NOVA1: variants seen among roughly 807,000 people sequenced by gnomAD.
NOVA1 encodes the protein NOVA alternative splicing regulator 1.
A neutral mutation model predicts 38.0 loss-of-function variants in NOVA1; 7 were observed. The observed-to-expected ratio is 0.18, with a 90% CI of 0.10 to 0.35. NOVA1 has a LOEUF of 0.35. Ranked by LOEUF, NOVA1 falls within the 10% of genes least tolerant of loss-of-function variation. The pLI is 1.00. For missense variants in NOVA1, 460 were observed against 616.0 expected (o/e 0.75, Z 2.68); for synonymous variants, 270 against 232.5 (o/e 1.16, Z -1.47).
rs557669939 is a variant in NOVA1 at position 26,527,542 on chromosome 14, A to G, written c.281-47399T>C. ...AAAAAAAAACCTTAGTGATTCTCTA[A>G]CACGTAAGGTCAAGGATATGTGTGC... On this transcript the variant is annotated intron_variant, in intron 2 of 4. Transcript: ENST00000539517. Among the ~76,000 whole-genome samples, 28 of 152,312 alleles carry G rather than the reference A, an allele frequency of 1.8e-4. 2 individuals carry two copies. The highest frequency in any genetic ancestry group is 6.5e-4 in the African/African-American group (27 of 41,582).
At chr14:26,525,300 A>G (rs1889219720) in intron 2 of NOVA1, among the ~76,000 whole-genome samples, 1 of 152,170 alleles carries the variant, frequency 6.6e-6, no homozygotes. Context: ...AAGAGCTTTT[A>G]TCTATAATCA....
intron 2 of NOVA1, among the ~76,000 whole-genome samples, chr14:26,580,939 T>C (rs1217028686): frequency 6.6e-6 from 1 of 151,980 alleles, no homozygotes; most frequent in Non-Finnish European, 1.5e-5. Context: ...GAAACAAGCA[T>C]AGAAAGGAGG....
At chr14:26,470,575 ATT>A in intron 4 of NOVA1, 1 of 992,230 alleles carries the variant, frequency 1.0e-6, no homozygotes, top group South Asian at 1.5e-5. Context: ...CAAATGACTT[ATT>A]ATTTCAAAAT....
chr14:26,496,209 T>A (rs888332103), intron 2 of NOVA1, among the ~76,000 whole-genome samples: 2 of 152,056 alleles, frequency 1.3e-5, no homozygotes, highest in African/African-American at 2.4e-5. Flanking sequence ...TGAGATGATA[T>A]CTCATTGTGG....
intron 2 of NOVA1, among the ~76,000 whole-genome samples, chr14:26,585,954 T>G (rs1893489658): frequency 6.6e-6 from 1 of 151,416 alleles, no homozygotes; most frequent in African/African-American, 2.4e-5. Flanking sequence ...TCCACTGTAT[T>G]GGTATTCCAT....
rs1000701010 is a variant in NOVA1 at position 26,446,741 on chromosome 14, T to G, written c.*1218A>C. The stretch of plus-strand genomic sequence containing the variant: ...GGGTCTTGGGAACAAAGGCTTACTC[T>G]GAAATGACCTGTCAAAAAGCCTGAC... On this transcript the variant is annotated 3_prime_UTR_variant, in exon 5 of 5. Transcript: ENST00000539517. 3 of 152,646 alleles carry G rather than the reference T, an allele frequency of 2.0e-5. No individual in the cohort carries two copies. The highest frequency in any genetic ancestry group is 7.2e-5 in the African/African-American group (3 of 41,444). 9.5% of individuals were successfully genotyped at this position (152,646 alleles called of 1,614,324 possible). A position where few individuals can be genotyped will look rare whatever the true frequency, so the allele number is the denominator to read the frequency against.
chr14:26,449,779 G>C (rs1882478625), intron 4 of NOVA1, among the ~76,000 whole-genome samples: 1 of 151,834 alleles, frequency 6.6e-6, no homozygotes, highest in Non-Finnish European at 1.5e-5. Context: ...CTTACCAAAT[G>C]GTACTACCAT....
chr14:26,522,611 C>T (rs1201188989), intron 2 of NOVA1, among the ~76,000 whole-genome samples: 1 of 151,956 alleles, frequency 6.6e-6, no homozygotes, highest in African/African-American at 2.4e-5. Context: ...AAAAAAAAAT[C>T]CATCTTGGTC....
rs187155211 is a variant in NOVA1, at chr14:26,462,939, A to T, written c.519+9381T>A. Reference sequence around the variant, plus strand: ...ACAAAGTAGAGATATAAGAAGGGAAATGTAGTGATTTTCATATTCCTTGTC... The same window carrying T: ...ACAAAGTAGAGATATAAGAAGGGAATTGTAGTGATTTTCATATTCCTTGTC... On this transcript the variant is annotated intron_variant, in intron 4 of 4. Coordinates refer to ENST00000539517, the MANE Select transcript of NOVA1 (RefSeq NM_002515.3). Among the ~76,000 whole-genome samples, 16 of 152,324 alleles carry T rather than the reference A, an allele frequency of 1.1e-4. No homozygotes were observed. In the East Asian group the frequency reaches 3.1e-3, roughly 29 times the overall value.
intron 2 of NOVA1, among the ~76,000 whole-genome samples, chr14:26,490,857 T>G (rs1886280179): frequency 1.4e-5 from 2 of 145,208 alleles, no homozygotes; most frequent in South Asian, 2.3e-4. Flanking sequence ...TTTTTTTTTT[T>G]TTTTTTTTTT....
rs2138295725 is a variant in NOVA1, at chr14:26,480,208, G to A, written c.281-65C>T. The A allele has an allele frequency of 2.8e-6, 4 of 1,440,634 alleles. No homozygotes were observed. In the South Asian group the frequency reaches 4.0e-5, roughly 14 times the overall value. 89.2% of individuals were successfully genotyped at this position (1,440,634 alleles called of 1,614,324 possible). ...TTTGCATTAAAAAAATTATGAAAAAGGATGATATCATAACGCCAAAAAAAT... is the reference window on the plus strand; with the variant it reads ...TTTGCATTAAAAAAATTATGAAAAAAGATGATATCATAACGCCAAAAAAAT... On this transcript the variant is annotated intron_variant, in intron 2 of 4. Transcript: ENST00000539517.
chr14:26,566,707 C>T (rs1892154782), intron 2 of NOVA1, among the ~76,000 whole-genome samples: 1 of 152,070 alleles, frequency 6.6e-6, no homozygotes. Flanking sequence ...ACAGAACCCA[C>T]CATAATCTTC....
At chr14:26,509,896 T>C (rs1192389571) in intron 2 of NOVA1, among the ~76,000 whole-genome samples, 1 of 152,134 alleles carries the variant, frequency 6.6e-6, no homozygotes, top group Non-Finnish European at 1.5e-5. Context: ...GTTAGGTTGG[T>C]CTCAAACTCC....
chr14:26,500,363 G>T (rs566718170), intron 2 of NOVA1, among the ~76,000 whole-genome samples: 5 of 152,154 alleles, frequency 3.3e-5, no homozygotes, highest in Non-Finnish European at 4.4e-5. Context: ...TTACTGCTCG[G>T]CTTACTGAGT....
chr14:26,497,525 A>C (rs1180056513), intron 2 of NOVA1, among the ~76,000 whole-genome samples: 3 of 152,194 alleles, frequency 2.0e-5, no homozygotes, highest in African/African-American at 7.2e-5. Context: ...AAGGATTATC[A>C]CATAATGCTC....
chr14:26,595,897 C>A (rs1894155410), intron 1 of NOVA1: 2 of 384,166 alleles, frequency 5.2e-6, no homozygotes, highest in Non-Finnish European at 9.9e-6. Context: ...AATGAACTGA[C>A]CCTTTAACAA....
intron 2 of NOVA1, among the ~76,000 whole-genome samples, chr14:26,520,672 C>T (rs557947245): frequency 6.6e-6 from 1 of 152,160 alleles, no homozygotes; most frequent in East Asian, 1.9e-4. Flanking sequence ...GATTGCAAAG[C>T]ACTTGTGAGT....
At chr14:26,474,486 G>A (rs974558004) in intron 3 of NOVA1, among the ~76,000 whole-genome samples, 2 of 151,784 alleles carry the variant, frequency 1.3e-5, no homozygotes, top group Non-Finnish European at 2.9e-5. Context: ...ACAATCTGTC[G>A]ATTTTTATTG....
chr14:26,482,232 T>G (rs764231277), intron 2 of NOVA1, among the ~76,000 whole-genome samples: 101 of 152,124 alleles, frequency 6.6e-4, no homozygotes, highest in Non-Finnish European at 1.1e-3. Context: ...GTTCACAGGT[T>G]CACAATTGCA....
Sources: allele counts gnomAD v4.1 joint callset (sites outside exome capture counted in the v4.1 genomes callset), GRCh38; gene constraint gnomAD v4.1.1; transcripts MANE v1.5; gene names NCBI Gene and HGNC (gene_info 2026-07-23, HGNC 2026-07-21).